The following DCC variants were observed in gnomAD, a reference collection of about 807,000 sequenced individuals.
DCC encodes DCC netrin 1 receptor, also known as netrin receptor DCC.
DCC carries 58 observed loss-of-function variants against 172.5 expected under a neutral mutation model. That is an observed-to-expected ratio of 0.34 (90% confidence interval 0.27 to 0.42). DCC has a LOEUF of 0.42. Ranked by LOEUF, DCC falls within the 10% of genes least tolerant of loss-of-function variation. The pLI is 1.00. For missense variants in DCC, 1,740 were observed against 1,791.0 expected (o/e 0.97, Z 0.51); for synonymous variants, 709 against 644.5 (o/e 1.10, Z -1.52).
At chr18:52,631,106 G>A (rs145901230) in intron 1 of DCC, among the ~76,000 whole-genome samples, 133 of 152,262 alleles carry the variant, frequency 8.7e-4, no homozygotes, top group African/African-American at 2.9e-3. Flanking sequence ...AGTTTTGGCC[G>A]GAGGGGAGCA....
At chr18:53,307,051 T>C (rs1599006536) in intron 13 of DCC, among the ~76,000 whole-genome samples, 1 of 152,322 alleles carries the variant, frequency 6.6e-6, no homozygotes, top group African/African-American at 2.4e-5. Context: ...CATTATAAGC[T>C]TCTTGTTCAG....
intron 1 of DCC, among the ~76,000 whole-genome samples, chr18:52,610,193 A>C (rs1286322062): frequency 2.1e-4 from 4 of 18,690 alleles, no homozygotes; most frequent in African/African-American, 8.8e-4. Context: ...ATATATATAT[A>C]TATATATATA....
chr18:53,255,959 G>A (rs1398945795), intron 12 of DCC, among the ~76,000 whole-genome samples: 15 of 152,180 alleles, frequency 9.9e-5, no homozygotes, highest in African/African-American at 3.6e-4. Flanking sequence ...TTGCCTGATA[G>A]CCAGTGATGA....
intron 5 of DCC, among the ~76,000 whole-genome samples, chr18:53,017,608 ATTC>A (rs1251537188): frequency 6.6e-6 from 1 of 152,200 alleles, no homozygotes; most frequent in Non-Finnish European, 1.5e-5. Flanking sequence ...TTCAAGGGTT[ATTC>A]TTAGGAACAA....
chr18:52,379,308 G>A (rs1305300985), intron 1 of DCC, among the ~76,000 whole-genome samples: 4 of 151,956 alleles, frequency 2.6e-5, no homozygotes, highest in East Asian at 1.9e-4. Flanking sequence ...TCAAAGTGTA[G>A]TAGAGAGAGT....
intron 27 of DCC, among the ~76,000 whole-genome samples, chr18:53,502,082 G>A (rs530997069): frequency 3.3e-5 from 5 of 151,900 alleles, no homozygotes; most frequent in South Asian, 2.1e-4. Context: ...GCAAAATCTC[G>A]TTTTCTTTTA....
At chr18:53,169,904 G>C (rs1003467718) in intron 8 of DCC, among the ~76,000 whole-genome samples, 3 of 152,098 alleles carry the variant, frequency 2.0e-5, no homozygotes, top group Admixed American at 6.5e-5. Context: ...ATTTACTTTA[G>C]GTGGCTAGTG....
intron 1 of DCC, among the ~76,000 whole-genome samples, chr18:52,657,917 A>G (rs1287773959): frequency 6.6e-6 from 1 of 152,208 alleles, no homozygotes; most frequent in African/African-American, 2.4e-5. Flanking sequence ...AGTGATACAG[A>G]TGAACCGCGT....
intron 1 of DCC, among the ~76,000 whole-genome samples, chr18:52,688,526 C>A (rs1816934805): frequency 6.6e-6 from 1 of 151,894 alleles, no homozygotes. Flanking sequence ...TTTAAAGTAG[C>A]AGATATGTAG....
intron 15 of DCC, 51 bp from the exon 16 acceptor site, chr18:53,385,992 T>A (rs1218933715): frequency 8.3e-7 from 1 of 1,210,882 alleles, no homozygotes; most frequent in South Asian, 1.2e-5. Flanking sequence ...TTGAGTATTT[T>A]GATACATTAA....
At chr18:52,868,734 A>G (rs1786162249) in intron 2 of DCC, among the ~76,000 whole-genome samples, 2 of 152,230 alleles carry the variant, frequency 1.3e-5, no homozygotes, top group Admixed American at 1.3e-4. Flanking sequence ...CCTGGCAGAC[A>G]CTGCTCAGCT....
intron 5 of DCC, among the ~76,000 whole-genome samples, chr18:52,950,561 A>G (rs896069994): frequency 5.9e-5 from 9 of 152,170 alleles, no homozygotes; most frequent in African/African-American, 2.2e-4. Flanking sequence ...TTAACTCACC[A>G]AGAGAGAAGG....
chr18:52,741,572 G>T (rs1274053820), intron 1 of DCC, among the ~76,000 whole-genome samples: 3 of 152,184 alleles, frequency 2.0e-5, no homozygotes, highest in African/African-American at 4.8e-5. Context: ...GGATGAAATT[G>T]TTCCTCCATT....
intron 1 of DCC, among the ~76,000 whole-genome samples, chr18:52,381,660 G>A (rs1021478873): frequency 6.6e-6 from 1 of 152,108 alleles, no homozygotes; most frequent in African/African-American, 2.4e-5. Context: ...TGAGGTGCCA[G>A]TGTCTCAACA....
intron 1 of DCC, among the ~76,000 whole-genome samples, chr18:52,366,659 T>A (rs1048219653): frequency 2.0e-5 from 3 of 151,350 alleles, no homozygotes; most frequent in Admixed American, 1.3e-4. Context: ...GTATTTACAA[T>A]CCCTGAGCCA....
At chr18:52,835,277 A>G (rs1012744606) in intron 2 of DCC, among the ~76,000 whole-genome samples, 2 of 151,296 alleles carry the variant, frequency 1.3e-5, no homozygotes, top group Non-Finnish European at 2.9e-5. Flanking sequence ...TTTGTTTTCC[A>G]AACACAAGAA....
chr18:52,883,790 C>T (rs549344626), intron 2 of DCC, among the ~76,000 whole-genome samples: 2 of 151,994 alleles, frequency 1.3e-5, no homozygotes, highest in African/African-American at 2.4e-5. Flanking sequence ...GTGCTATTAT[C>T]AGTGAGATTT....
At chr18:52,757,677 T>G (rs2037097521) in intron 2 of DCC, among the ~76,000 whole-genome samples, 1 of 152,118 alleles carries the variant, frequency 6.6e-6, no homozygotes, top group African/African-American at 2.4e-5. Flanking sequence ...TCCAGGTAGA[T>G]TTGTCTTTGT....
At chr18:53,093,865 C>T (rs758058151) in intron 7 of DCC, among the ~76,000 whole-genome samples, 4 of 152,182 alleles carry the variant, frequency 2.6e-5, no homozygotes, top group Non-Finnish European at 4.4e-5. Context: ...GCTCTACTCT[C>T]TCATCCATTC....
Sources: allele counts gnomAD v4.1 joint callset (sites outside exome capture counted in the v4.1 genomes callset), GRCh38; gene constraint gnomAD v4.1.1; transcripts MANE v1.5; gene names NCBI Gene and HGNC (gene_info 2026-07-23, HGNC 2026-07-21).